MEIS1: variants seen among roughly 807,000 people sequenced by gnomAD.
MEIS1 encodes Meis homeobox 1.
Under a neutral mutation model 50.8 loss-of-function variants are expected in MEIS1, and 5 were observed. The observed-to-expected ratio is 0.10, with a 90% CI of 0.05 to 0.21. The LOEUF is 0.21. MEIS1 is among the 10% of genes least tolerant of loss of function. The pLI is 1.00. For synonymous variants in MEIS1, 176 were observed against 179.3 expected (o/e 0.98, Z 0.15); for missense variants, 318 against 517.3 (o/e 0.61, Z 3.74).
At chr2:66,494,843 C>T (rs537742924) in intron 7 of MEIS1, among the ~76,000 whole-genome samples, 15 of 152,202 alleles carry the variant, frequency 9.9e-5, no homozygotes, top group South Asian at 4.2e-4. Context: ...GTACCCAGAC[C>T]GACCTGAGAC....
chr2:66,501,669 G>T, intron 7 of MEIS1, among the ~76,000 whole-genome samples: 1 of 151,480 alleles, frequency 6.6e-6, no homozygotes. Flanking sequence ...AAAAAAACTT[G>T]GAAAATTTAT....
chr2:66,505,071 C>A (rs749046267), intron 7 of MEIS1, among the ~76,000 whole-genome samples: 1 of 152,144 alleles, frequency 6.6e-6, no homozygotes, highest in Non-Finnish European at 1.5e-5. Context: ...GAGTTGTATA[C>A]TTCATATACA....
Position 66,458,151 on chromosome 2 carries a change from G to GA in MEIS1, c.631-5949dup, listed in dbSNP as rs148053526. Among the ~76,000 whole-genome samples the GA allele has an allele frequency of 3.4e-3, 513 of 150,754 alleles. 3 individuals carry two copies. The highest frequency in any genetic ancestry group is 9.3e-3 in the African/African-American group (383 of 41,120). ...GGACCAGTAGTGTAGAAGTTTTGAA[G>GA]AAAAAAAAACTCTATTTTTGGTTCG... is the stretch of plus-strand genomic sequence containing the variant. On this transcript the variant is annotated intron_variant, in intron 6 of 12. Coordinates refer to ENST00000272369, the MANE Select transcript of MEIS1 (RefSeq NM_002398.3).
At chr2:66,516,604 T>C (rs996633537) in intron 8 of MEIS1, among the ~76,000 whole-genome samples, 15 of 148,942 alleles carry the variant, frequency 1.0e-4, no homozygotes, top group South Asian at 4.2e-4. Flanking sequence ...TGTGTGTGTG[T>C]GCGGCCAAAT....
chr2:66,450,749 G>A (rs1519103), intron 6 of MEIS1, among the ~76,000 whole-genome samples: 1 of 151,896 alleles, frequency 6.6e-6, no homozygotes, highest in Admixed American at 6.6e-5. Flanking sequence ...ATCAATACCT[G>A]GCCACATAAG....
intron 8 of MEIS1, among the ~76,000 whole-genome samples, chr2:66,516,969 G>T (rs1294629533): frequency 6.6e-6 from 1 of 152,172 alleles, no homozygotes; most frequent in Non-Finnish European, 1.5e-5. Context: ...CCATTCTGTT[G>T]ATCAAAGTTA....
intron 7 of MEIS1, among the ~76,000 whole-genome samples, chr2:66,481,364 G>A (rs1204463658): frequency 2.0e-5 from 3 of 152,206 alleles, no homozygotes; most frequent in African/African-American, 7.2e-5. Context: ...CTTTCTTTGT[G>A]ATGGATGACG....
intron 9 of MEIS1, among the ~76,000 whole-genome samples, chr2:66,566,837 A>C (rs565570554): frequency 5.3e-5 from 8 of 151,554 alleles, no homozygotes; most frequent in Non-Finnish European, 1.2e-4. Context: ...ACAACAACAA[A>C]AAAAGCCACC....
intron 10 of MEIS1, 34 bp downstream of exon 10, chr2:66,567,545 G>C: frequency 6.2e-7 from 1 of 1,606,864 alleles, no homozygotes; most frequent in African/African-American, 1.3e-5. Context: ...TTCAAGTCAC[G>C]CAAGCGAAAA....
At chr2:66,443,956 TTCTC>T (rs748071541) in intron 6 of MEIS1, among the ~76,000 whole-genome samples, 23 of 152,100 alleles carry the variant, frequency 1.5e-4, no homozygotes, top group East Asian at 1.9e-4. Flanking sequence ...CTGTGGGGAT[TTCTC>T]TCTCTCTGTC....
At chr2:66,564,722 T>TG (rs1450489797) in intron 9 of MEIS1, among the ~76,000 whole-genome samples, 1 of 138,010 alleles carries the variant, frequency 7.2e-6, no homozygotes, top group African/African-American at 3.0e-5. Flanking sequence ...AAGTAATTGT[T>TG]TTTTTTTTTT....
chr2:66,491,841 C>T (rs1673281776), intron 7 of MEIS1, among the ~76,000 whole-genome samples: 1 of 151,980 alleles, frequency 6.6e-6, no homozygotes, highest in African/African-American at 2.4e-5. Flanking sequence ...GTCCCTCTTC[C>T]CTGCTTATTG....
At chr2:66,497,505 C>T (rs371832818) in intron 7 of MEIS1, among the ~76,000 whole-genome samples, 68 of 152,050 alleles carry the variant, frequency 4.5e-4, no homozygotes, top group Admixed American at 3.3e-3. Context: ...TCCTGTTTTT[C>T]GGTAGTGTGT....
chr2:66,538,687 A>G (rs182081817), intron 8 of MEIS1, among the ~76,000 whole-genome samples: 1 of 152,358 alleles, frequency 6.6e-6, no homozygotes, highest in Admixed American at 6.5e-5. Flanking sequence ...GTAGTCTACT[A>G]AAATGTAATG....
At chr2:66,516,119 C>T (rs566132935) in intron 8 of MEIS1, among the ~76,000 whole-genome samples, 1 of 152,276 alleles carries the variant, frequency 6.6e-6, no homozygotes, top group East Asian at 1.9e-4. Context: ...AGGTAAAAAT[C>T]AAGGGTCTCT....
At chr2:66,485,639 G>C (rs1214141814) in intron 7 of MEIS1, among the ~76,000 whole-genome samples, 3 of 152,160 alleles carry the variant, frequency 2.0e-5, no homozygotes, top group Non-Finnish European at 4.4e-5. Flanking sequence ...TGGATCAAAT[G>C]GTATTTCTAG....
At chr2:66,480,391 A>C (rs1213015682) in intron 7 of MEIS1, among the ~76,000 whole-genome samples, 2 of 152,192 alleles carry the variant, frequency 1.3e-5, no homozygotes, top group Non-Finnish European at 2.9e-5. Flanking sequence ...CTTTAGATAG[A>C]AGTTTGGGAC....
intron 7 of MEIS1, among the ~76,000 whole-genome samples, chr2:66,474,733 T>C (rs1672848648): frequency 6.6e-6 from 1 of 152,234 alleles, no homozygotes; most frequent in African/African-American, 2.4e-5. Flanking sequence ...ATTTGATTAG[T>C]ACAATTAGTT....
intron 6 of MEIS1, among the ~76,000 whole-genome samples, chr2:66,450,372 C>T (rs927580305): frequency 6.6e-6 from 1 of 152,124 alleles, no homozygotes; most frequent in Admixed American, 6.5e-5. Context: ...AATCCAGAGG[C>T]TGAGGCAGGA....
Sources: allele counts gnomAD v4.1 joint callset (sites outside exome capture counted in the v4.1 genomes callset), GRCh38; gene constraint gnomAD v4.1.1; transcripts MANE v1.5; gene names NCBI Gene and HGNC (gene_info 2026-07-23, HGNC 2026-07-21).